The following OSBPL6 variants were observed in gnomAD, a reference collection of about 807,000 sequenced individuals.
OSBPL6 encodes the protein oxysterol binding protein like 6.
A neutral mutation model predicts 125.8 loss-of-function variants in OSBPL6; 49 were observed. The ratio of observed to expected loss-of-function variants is 0.39; its 90% CI spans 0.31 to 0.49. The LOEUF (loss-of-function observed/expected upper bound fraction) is 0.49. OSBPL6 is among the 20% of genes least tolerant of loss of function. The pLI is 0.88. For synonymous variants in OSBPL6, 394 were observed against 391.8 expected (o/e 1.01, Z -0.07); for missense variants, 986 against 1,135.4 (o/e 0.87, Z 1.89).
intron 3 of OSBPL6, among the ~76,000 whole-genome samples, chr2:178,310,619 G>A (rs760503279): frequency 1.8e-4 from 27 of 151,330 alleles, no homozygotes; most frequent in Admixed American, 1.1e-3. Flanking sequence ...GGGTTTCACC[G>A]TGTTAGCCAG....
intron 1 of OSBPL6, among the ~76,000 whole-genome samples, chr2:178,266,074 G>T (rs1037518132): frequency 2.0e-5 from 3 of 152,202 alleles, no homozygotes; most frequent in Admixed American, 2.0e-4. Context: ...GAAAGGGAAA[G>T]AAGTGTTTTT....
chr2:178,258,294 T>C (rs1057041807), intron 1 of OSBPL6, among the ~76,000 whole-genome samples: 2 of 151,354 alleles, frequency 1.3e-5, no homozygotes, highest in Non-Finnish European at 2.9e-5. Flanking sequence ...AGAGAAGGAG[T>C]TTTGCCATGT....
At chr2:178,298,229 A>G (rs1445784214) in intron 2 of OSBPL6, among the ~76,000 whole-genome samples, 1 of 152,228 alleles carries the variant, frequency 6.6e-6, no homozygotes, top group African/African-American at 2.4e-5. Flanking sequence ...TTTAAGGCTG[A>G]ATAATATTCC....
intron 1 of OSBPL6, among the ~76,000 whole-genome samples, chr2:178,213,977 C>T (rs2089980499): frequency 6.6e-6 from 1 of 152,166 alleles, no homozygotes; most frequent in South Asian, 2.1e-4. Context: ...AATATGCCAA[C>T]AGCATCCTGT....
intron 1 of OSBPL6, among the ~76,000 whole-genome samples, chr2:178,274,732 A>G (rs1011091508): frequency 2.0e-5 from 3 of 152,232 alleles, no homozygotes; most frequent in African/African-American, 7.2e-5. Flanking sequence ...TGAATTTAAG[A>G]AATTTCAAAC....
chr2:178,218,063 A>G (rs545817517), intron 1 of OSBPL6, among the ~76,000 whole-genome samples: 1 of 152,172 alleles, frequency 6.6e-6, no homozygotes, highest in African/African-American at 2.4e-5. Context: ...TTTACCTGTA[A>G]GTTTGAAATT....
intron 1 of OSBPL6, among the ~76,000 whole-genome samples, chr2:178,263,231 C>A (rs552244729): frequency 3.9e-4 from 60 of 152,192 alleles, no homozygotes; most frequent in Non-Finnish European, 7.9e-4. Flanking sequence ...GTAATACCAA[C>A]ACTTTGGAAG....
chr2:178,371,847 C>G (rs1381238988), intron 13 of OSBPL6, among the ~76,000 whole-genome samples: 1 of 152,124 alleles, frequency 6.6e-6, no homozygotes, highest in Non-Finnish European at 1.5e-5. Flanking sequence ...ATGGGACTCA[C>G]TCTAAAGGAA....
At chr2:178,309,349 T>C (rs1431049362) in intron 3 of OSBPL6, among the ~76,000 whole-genome samples, 2 of 152,218 alleles carry the variant, frequency 1.3e-5, no homozygotes, top group Non-Finnish European at 2.9e-5. Flanking sequence ...GCCTTGAACC[T>C]CAAATGTTTT....
chr2:178,388,727 A>G (rs963601052), intron 20 of OSBPL6, among the ~76,000 whole-genome samples: 1 of 152,188 alleles, frequency 6.6e-6, no homozygotes, highest in Non-Finnish European at 1.5e-5. Context: ...ATTTGTTTGC[A>G]TATCCATCTA....
At chr2:178,218,141 T>C (rs1350528860) in intron 1 of OSBPL6, among the ~76,000 whole-genome samples, 2 of 152,212 alleles carry the variant, frequency 1.3e-5, no homozygotes, top group East Asian at 1.9e-4. Flanking sequence ...TAATTTCCTT[T>C]TTCTTTGACC....
intron 2 of OSBPL6, among the ~76,000 whole-genome samples, chr2:178,296,786 C>A (rs1685794030): frequency 6.6e-6 from 1 of 152,156 alleles, no homozygotes. Flanking sequence ...TGGGACCTGG[C>A]AGTGGATTCT....
chr2:178,304,024 C>A (rs1157467133), intron 2 of OSBPL6, among the ~76,000 whole-genome samples: 1 of 152,090 alleles, frequency 6.6e-6, no homozygotes, highest in African/African-American at 2.4e-5. Context: ...AACAGAATAC[C>A]CAAGACTGGG....
intron 6 of OSBPL6, among the ~76,000 whole-genome samples, chr2:178,331,837 T>G (rs1689221550): frequency 6.6e-6 from 1 of 152,150 alleles, no homozygotes; most frequent in South Asian, 2.1e-4. Context: ...ACCTTAAAAG[T>G]GACGCATGAG....
intron 1 of OSBPL6, among the ~76,000 whole-genome samples, chr2:178,250,059 C>T (rs987700545): frequency 6.6e-6 from 1 of 152,152 alleles, no homozygotes; most frequent in African/African-American, 2.4e-5. Context: ...ATAGGTTCTA[C>T]CATAGTTCCC....
intron 1 of OSBPL6, among the ~76,000 whole-genome samples, chr2:178,267,626 C>T (rs561300756): frequency 6.6e-5 from 10 of 152,078 alleles, no homozygotes; most frequent in Admixed American, 5.2e-4. Flanking sequence ...AGAACATTGG[C>T]CAGAAAACTT....
At chr2:178,227,231 G>A (rs947897163) in intron 1 of OSBPL6, among the ~76,000 whole-genome samples, 1 of 152,182 alleles carries the variant, frequency 6.6e-6, no homozygotes, top group East Asian at 1.9e-4. Context: ...GTAATTTGGA[G>A]GGAAATGCAA....
chr2:178,291,712 C>CCTTCTTT (rs1559209266), intron 2 of OSBPL6, among the ~76,000 whole-genome samples: 50 of 88,530 alleles, frequency 5.6e-4, no homozygotes, highest in African/African-American at 1.6e-3. Context: ...CTTCTTTCCT[C>CCTTCTTT]CCTCCCTCCC....
chr2:178,376,943 G>A (rs544912995), intron 15 of OSBPL6, among the ~76,000 whole-genome samples: 6 of 152,130 alleles, frequency 3.9e-5, no homozygotes, highest in African/African-American at 1.4e-4. Context: ...CACAACACTT[G>A]GCCTTAAGTA....
Sources: allele counts gnomAD v4.1 joint callset (sites outside exome capture counted in the v4.1 genomes callset), GRCh38; gene constraint gnomAD v4.1.1; transcripts MANE v1.5; gene names NCBI Gene and HGNC (gene_info 2026-07-23, HGNC 2026-07-21).